Variants in FAT3 observed in about 807,000 individuals in gnomAD.
FAT3 encodes the protein protocadherin Fat 3.
A neutral mutation model predicts 310.2 loss-of-function variants in FAT3; 95 were observed. The ratio of observed to expected loss-of-function variants is 0.31; its 90% confidence interval spans 0.26 to 0.36. The LOEUF (loss-of-function observed/expected upper bound fraction) is 0.36. Among genes scored for constraint, FAT3 ranks in the 10% least tolerant of loss-of-function variants. The probability of loss-of-function intolerance (pLI) is 1.00; values close to 1 mark genes in which losing one functional copy is unlikely to be tolerated. For missense variants in FAT3, 5,408 were observed against 5,715.6 expected, an observed-to-expected ratio of 0.95 and a Z score of 1.74; for synonymous variants, 2,314 against 2,192.9, an observed-to-expected ratio of 1.06 and a Z score of -1.54.
chr11:92,463,801 T>C (rs1951694258), intron 2 of FAT3, among the ~76,000 whole-genome samples: 1 of 152,156 alleles, frequency 6.6e-6, no homozygotes, highest in African/African-American at 2.4e-5. Context: ...GCCTGGACAT[T>C]AGTTAGAAAA....
chr11:92,824,758 T>G (rs1288143232), intron 13 of FAT3, among the ~76,000 whole-genome samples: 1 of 151,926 alleles, frequency 6.6e-6, no homozygotes, highest in Non-Finnish European at 1.5e-5. Context: ...GTTACCACTT[T>G]GATAGAAATC....
intron 1 of FAT3, among the ~76,000 whole-genome samples, chr11:92,293,542 AT>A (rs1565206753): frequency 4.3e-3 from 107 of 24,686 alleles, no homozygotes; most frequent in Admixed American, 0.019. Context: ...ATATATATAT[AT>A]ATATATATAA....
intron 2 of FAT3, among the ~76,000 whole-genome samples, chr11:92,494,483 A>G (rs1364974974): frequency 6.6e-6 from 1 of 152,064 alleles, no homozygotes; most frequent in Non-Finnish European, 1.5e-5. Flanking sequence ...TGTAGCTTCT[A>G]CTTTTATAAC....
At chr11:92,546,599 T>A (rs577874281) in intron 3 of FAT3, among the ~76,000 whole-genome samples, 17 of 152,284 alleles carry the variant, frequency 1.1e-4, no homozygotes, top group African/African-American at 3.8e-4. Context: ...TTTCAATATT[T>A]AAAAAAATGA....
chr11:92,649,880 T>TC (rs1942309378), intron 3 of FAT3, among the ~76,000 whole-genome samples: 1 of 53,764 alleles, frequency 1.9e-5, no homozygotes, highest in Non-Finnish European at 4.2e-5. Context: ...TGTTCATATA[T>TC]ATATATATAT....
chr11:92,762,923 C>T (rs541972923), intron 5 of FAT3, among the ~76,000 whole-genome samples: 12 of 151,956 alleles, frequency 7.9e-5, no homozygotes, highest in East Asian at 7.7e-4. Flanking sequence ...TTTGGGAGGC[C>T]GAGGCAGGCG....
chr11:92,562,060 T>C (rs1349627891), intron 3 of FAT3, among the ~76,000 whole-genome samples: 1 of 152,230 alleles, frequency 6.6e-6, no homozygotes, highest in Non-Finnish European at 1.5e-5. Context: ...TCTACCTCTT[T>C]GCTGTTTTCT....
chr11:92,729,673 C>T (rs755452115), intron 4 of FAT3, among the ~76,000 whole-genome samples: 142 of 151,996 alleles, frequency 9.3e-4, no homozygotes, highest in Non-Finnish European at 3.8e-4. Context: ...GATCCACCCA[C>T]CTCGGCCTCC....
chr11:92,694,814 A>G (rs1228472965), intron 3 of FAT3, among the ~76,000 whole-genome samples: 3 of 152,154 alleles, frequency 2.0e-5, no homozygotes, highest in African/African-American at 7.2e-5. Flanking sequence ...TGTGGACTCT[A>G]ATAGAGGAGC....
At chr11:92,785,048 C>CTAA in intron 7 of FAT3, among the ~76,000 whole-genome samples, 1 of 151,928 alleles carries the variant, frequency 6.6e-6, no homozygotes, top group Middle Eastern at 3.4e-3. Context: ...CACTTTTTAA[C>CTAA]CCTTTTTCTA....
intron 2 of FAT3, among the ~76,000 whole-genome samples, chr11:92,439,629 C>A (rs1431410936): frequency 1.3e-5 from 2 of 151,984 alleles, no homozygotes; most frequent in Non-Finnish European, 2.9e-5. Context: ...ACTAGACCTG[C>A]TAAAGGCCAG....
intron 4 of FAT3, among the ~76,000 whole-genome samples, chr11:92,758,331 A>G (rs1028276097): frequency 1.3e-5 from 2 of 152,208 alleles, no homozygotes; most frequent in African/African-American, 4.8e-5. Context: ...ATAGAAACAT[A>G]CTAAGGGCAC....
At position 92,799,381 on chromosome 11, in the gene FAT3, T is replaced by C. The variant is rs768660541; in HGVS notation, c.6368T>C (p.Leu2123Pro). The C allele has an allele frequency of 1.2e-6, 2 of 1,613,856 alleles. No individual in the cohort carries two copies. The highest frequency in any genetic ancestry group is 1.3e-5 in the African/African-American group (1 of 75,064). ...KGPNGEVTYV[L>P]QDDYGHFEIN... Reference sequence around the variant, plus strand: ...CCAAATGGAGAAGTGACCTATGTCCTGCAGGATGACTATGGCCACTTTGAA... The same window carrying C: ...CCAAATGGAGAAGTGACCTATGTCCCGCAGGATGACTATGGCCACTTTGAA... Residue 2123 changes from leucine (L) to proline (P), a missense_variant, in exon 10 of 28, where the codon CTG becomes CCG. Physicochemically the swap from Leu to Pro is moderately conservative, Grantham distance 98. Coordinates refer to ENST00000525166, the MANE Select transcript of FAT3 (RefSeq NM_001367949.2).
At chr11:92,863,816 T>A (rs1949174734) in intron 21 of FAT3, among the ~76,000 whole-genome samples, 1 of 152,240 alleles carries the variant, frequency 6.6e-6, no homozygotes, top group Non-Finnish European at 1.5e-5. Flanking sequence ...AAGACAGTGT[T>A]CTTTTCTCTC....
At chr11:92,499,898 G>A (rs1231542015) in intron 2 of FAT3, among the ~76,000 whole-genome samples, 1 of 151,988 alleles carries the variant, frequency 6.6e-6, no homozygotes, top group Non-Finnish European at 1.5e-5. Flanking sequence ...CAGCATCAGA[G>A]CTTGGAGTAT....
chr11:92,857,669 T>A (rs1949016986), intron 20 of FAT3, among the ~76,000 whole-genome samples: 1 of 152,184 alleles, frequency 6.6e-6, no homozygotes, highest in Non-Finnish European at 1.5e-5. Flanking sequence ...GGCAGAGGAA[T>A]CTGAGGATCT....
intron 2 of FAT3, among the ~76,000 whole-genome samples, chr11:92,486,130 G>GTTT (rs71064714): frequency 0.028 from 1,027 of 37,100 alleles, 110 homozygotes; most frequent in Middle Eastern, 0.062. Flanking sequence ...GGCTGCTGGG[G>GTTT]TTTTTTTTTT....
chr11:92,448,363 T>C (rs1291500083), intron 2 of FAT3, among the ~76,000 whole-genome samples: 1 of 152,228 alleles, frequency 6.6e-6, no homozygotes, highest in South Asian at 2.1e-4. Flanking sequence ...CACTTGCCAG[T>C]GTGTGGTTTT....
intron 2 of FAT3, among the ~76,000 whole-genome samples, chr11:92,451,980 C>G (rs1055817160): frequency 6.6e-6 from 1 of 152,158 alleles, no homozygotes; most frequent in African/African-American, 2.4e-5. Flanking sequence ...TCAAATAACT[C>G]TGATCCTTTA....
Sources: gnomAD v4.1 joint callset for allele counts (sites outside exome capture counted in the v4.1 genomes callset) on GRCh38, gnomAD v4.1.1 for gene constraint, MANE v1.5 for transcripts, NCBI Gene and HGNC (gene_info 2026-07-23, HGNC 2026-07-21) for gene names.